Variants in GATB observed in about 807,000 individuals in gnomAD.
GATB encodes glutamyl-tRNA amidotransferase subunit B, also known as glutamyl-tRNA(Gln) amidotransferase subunit B, mitochondrial.
A neutral mutation model predicts 62.3 loss-of-function variants in GATB; 39 were observed. That is an observed-to-expected ratio of 0.63 (90% CI 0.48 to 0.82). The LOEUF (loss-of-function observed/expected upper bound fraction) is 0.82, where lower values mean the gene tolerates loss of function less well. Ranked by LOEUF, GATB falls within the 40% of genes least tolerant of loss-of-function variation. The pLI, the probability that GATB is intolerant of heterozygous loss-of-function variation, is 0.00. For missense variants in GATB, 670 were observed against 684.0 expected (o/e 0.98, Z 0.23); for synonymous variants, 276 against 258.9 (o/e 1.07, Z -0.63).
intron 2 of GATB, among the ~76,000 whole-genome samples, chr4:151,751,581 A>G (rs1213685893): frequency 6.6e-6 from 1 of 152,188 alleles, no homozygotes; most frequent in Non-Finnish European, 1.5e-5. Flanking sequence ...TTAGAACATG[A>G]CTTCCAATTA....
intron 9 of GATB, among the ~76,000 whole-genome samples, chr4:151,694,072 C>T (rs1738420934): frequency 6.6e-6 from 1 of 152,198 alleles, no homozygotes; most frequent in Non-Finnish European, 1.5e-5. Flanking sequence ...GCACCTAACA[C>T]CACCACTGTC....
chr4:151,686,660 C>A, intron 10 of GATB, among the ~76,000 whole-genome samples: 1 of 127,704 alleles, frequency 7.8e-6, no homozygotes, highest in Non-Finnish European at 1.7e-5. Context: ...CCGCCCCCCC[C>A]CCACCCCCCA....
Position 151,705,168 on chromosome 4 carries a change from C to T in GATB, c.962+17G>A, listed in dbSNP as rs897783145. ...CACCCCCGGCTGTGGTCAGGACGCT[C>T]AGCAATGCGAACTCACCCCAGCTTG... On this transcript the variant is annotated intron_variant, in intron 7 of 12. Coordinates refer to ENST00000263985, the MANE Select transcript of GATB (RefSeq NM_004564.3). 1.3e-6 allele frequency: 2 copies of T among 1,593,074 alleles called. No homozygotes were observed. Among genetic ancestry groups the T allele is most frequent in the Non-Finnish European group, 1.7e-6 (2 of 1,161,200 alleles).
intron 2 of GATB, among the ~76,000 whole-genome samples, chr4:151,729,197 C>T (rs1416208762): frequency 3.3e-5 from 5 of 152,100 alleles, no homozygotes. Flanking sequence ...AGGGCAAACT[C>T]CCTATTTCCT....
At chr4:151,753,751 C>G (rs1482835038) in intron 2 of GATB, among the ~76,000 whole-genome samples, 10 of 151,080 alleles carry the variant, frequency 6.6e-5, no homozygotes, top group East Asian at 5.8e-4. Context: ...CTATCATAGA[C>G]TACATAACTC....
intron 2 of GATB, chr4:151,722,427 C>T: frequency 1.8e-6 from 1 of 554,896 alleles, no homozygotes; most frequent in Non-Finnish European, 3.2e-6. Flanking sequence ...CCTCAATGGC[C>T]CCTGATGTTC....
rs1300528512 is a variant in GATB, at chr4:151,672,884, G to C, written c.1423C>G (p.Leu475Val). ...GGAGTCTTGCCTTCCCTCTTCCACA[G>C]TTCCTCAAACACCTATGGACCAGAG... ...SSAAKQVFEE[L>V]WKREGKTPGQ... is the part of the protein sequence containing the mutation. Residue 475 changes from leucine (L) to valine (V), a missense_variant, in exon 12 of 13, where the codon CTG becomes GTG. Physicochemically the swap from Leu to Val is conservative, Grantham distance 32. Coordinates refer to ENST00000263985, the MANE Select transcript of GATB (RefSeq NM_004564.3). 1 of 1,614,186 alleles carries C rather than the reference G, an allele frequency of 6.2e-7. No homozygotes were observed.
intron 2 of GATB, among the ~76,000 whole-genome samples, chr4:151,747,844 T>C (rs1739632988): frequency 2.0e-5 from 3 of 152,098 alleles, no homozygotes; most frequent in Middle Eastern, 3.4e-3. Flanking sequence ...ACTAAGAGAG[T>C]TCATCACCCA....
At chr4:151,682,376 C>G (rs10007015) in intron 10 of GATB, among the ~76,000 whole-genome samples, 90,784 of 152,020 alleles carry the variant, frequency 0.6, 29,648 homozygotes, top group African/African-American at 0.88. Context: ...CCACTCATCG[C>G]CTAAATAAAT....
intron 10 of GATB, among the ~76,000 whole-genome samples, chr4:151,688,365 AATGTCTGTCTC>A (rs1326771126): frequency 6.6e-6 from 1 of 152,144 alleles, no homozygotes; most frequent in Non-Finnish European, 1.5e-5. Context: ...CAAGTTTGTA[AATGTCTGTCTC>A]ATTCATCTTT....
In GATB at chr4:151,708,020, A is replaced by G; in HGVS notation, c.845T>C (p.Leu282Pro). The G allele has an allele frequency of 6.2e-7, 1 of 1,614,026 alleles. No homozygotes were observed. Among genetic ancestry groups the G allele is most frequent in the Admixed American group, 1.7e-5 (1 of 60,034 alleles). ...PLGVRTEVKN[L>P]NSIRFLAKAI... ...TTTGGCCAGGAACCTGATGCTGTTG[A>G]GATTCTTCACTTCCGTTCGAACGCC... The change falls in exon 6 of 13, where the codon CTC becomes CCC. Residue 282 changes from leucine to proline, a missense_variant. By Grantham distance (98) the Leu-to-Pro change is moderately conservative. Transcript: ENST00000263985.
chr4:151,741,113 G>A (rs1311943007), intron 2 of GATB, among the ~76,000 whole-genome samples: 1 of 152,144 alleles, frequency 6.6e-6, no homozygotes, highest in African/African-American at 2.4e-5. Context: ...ATGGTACCAA[G>A]TCCGATATAG....
chr4:151,738,844 T>C (rs571748138), intron 2 of GATB, among the ~76,000 whole-genome samples: 2 of 152,330 alleles, frequency 1.3e-5, no homozygotes, highest in East Asian at 3.9e-4. Flanking sequence ...GCGAGTGTAA[T>C]CTGGTGCTTA....
At chr4:151,674,566 G>GT (rs1390717260) in intron 11 of GATB, 1 of 152,168 alleles carries the variant, frequency 6.6e-6, no homozygotes, top group African/African-American at 2.4e-5. Context: ...ATATTTTGGT[G>GT]TTTTTTCTTC....
chr4:151,736,316 G>C (rs991378830), intron 2 of GATB, among the ~76,000 whole-genome samples: 4 of 152,128 alleles, frequency 2.6e-5, no homozygotes, highest in African/African-American at 9.7e-5. Flanking sequence ...AGGAAGATTT[G>C]TTCTTTTAAC....
At chr4:151,700,665 G>A (rs189366343) in intron 9 of GATB, among the ~76,000 whole-genome samples, 1 of 152,236 alleles carries the variant, frequency 6.6e-6, no homozygotes, top group African/African-American at 2.4e-5. Flanking sequence ...GACGACAACG[G>A]TGACAAAATA....
chr4:151,686,495 G>A (rs545691902), intron 10 of GATB, among the ~76,000 whole-genome samples: 1 of 151,960 alleles, frequency 6.6e-6, no homozygotes. Flanking sequence ...ACCCAGCCTG[G>A]GCTCCCCCTG....
chr4:151,702,304 T>C (rs1278756952), intron 8 of GATB, among the ~76,000 whole-genome samples: 3 of 152,022 alleles, frequency 2.0e-5, no homozygotes, highest in African/African-American at 4.8e-5. Context: ...CCTTGAGAAA[T>C]AGAAGAAATG....
intron 2 of GATB, among the ~76,000 whole-genome samples, chr4:151,754,937 CT>C (rs1434518327): frequency 1.3e-5 from 2 of 152,168 alleles, no homozygotes; most frequent in African/African-American, 2.4e-5. Context: ...GTAGCATTTA[CT>C]TTTGCTCTCA....
Sources: allele counts gnomAD v4.1 joint callset (sites outside exome capture counted in the v4.1 genomes callset), GRCh38; gene constraint gnomAD v4.1.1; transcripts MANE v1.5; gene names NCBI Gene and HGNC (gene_info 2026-07-23, HGNC 2026-07-21).